FAM81A: variants seen among roughly 807,000 people sequenced by gnomAD.
The protein encoded by FAM81A is protein FAM81A.
Under a neutral mutation model 46.7 loss-of-function variants are expected in FAM81A, and 19 were observed. The ratio of observed to expected loss-of-function variants is 0.41; its 90% confidence interval spans 0.28 to 0.60. The LOEUF (loss-of-function observed/expected upper bound fraction) is 0.60. Among genes scored for constraint, FAM81A ranks in the 20% least tolerant of loss-of-function variants. The pLI, the probability that FAM81A is intolerant of heterozygous loss-of-function variation, is 0.34. For synonymous variants in FAM81A, 183 were observed against 152.9 expected, an observed-to-expected ratio of 1.20 and a Z score of -1.45; for missense variants, 377 against 453.5, an observed-to-expected ratio of 0.83 and a Z score of 1.53.
chr15:59,478,138 C>T (rs896642772), intron 3 of FAM81A, among the ~76,000 whole-genome samples: 1 of 152,070 alleles, frequency 6.6e-6, no homozygotes, highest in East Asian at 1.9e-4. Context: ...AGTTTGGACC[C>T]CCATGTCTTT....
At chr15:59,415,697 G>T (rs966181484) in intron 2 of FAM81A, among the ~76,000 whole-genome samples, 1 of 152,156 alleles carries the variant, frequency 6.6e-6, no homozygotes, top group Non-Finnish European at 1.5e-5. Flanking sequence ...CTGCAGAACC[G>T]TAAGATAATA....
chr15:59,447,640 G>A (rs1443135666), intron 1 of FAM81A, among the ~76,000 whole-genome samples: 1 of 152,162 alleles, frequency 6.6e-6, no homozygotes, highest in African/African-American at 2.4e-5. Flanking sequence ...AGATACATTG[G>A]CTTGGGAAAT....
intron 4 of FAM81A, 117 bp downstream of exon 4, chr15:59,492,506 A>G (rs1203384720): frequency 6.6e-6 from 5 of 758,670 alleles, no homozygotes; most frequent in Non-Finnish European, 1.1e-5. Context: ...CCTTTAGTAC[A>G]TTCCCTCCCT....
At chr15:59,406,111 G>T (rs1303758121) in intron 2 of FAM81A, among the ~76,000 whole-genome samples, 5 of 152,190 alleles carry the variant, frequency 3.3e-5, no homozygotes, top group African/African-American at 1.2e-4. Flanking sequence ...GAATGGGTGG[G>T]TCTGAGAGTC....
chr15:59,516,947 C>T (rs1217681476), intron 8 of FAM81A, 107 bp downstream of exon 8: 36 of 1,017,050 alleles, frequency 3.5e-5, no homozygotes, highest in South Asian at 8.0e-5. Flanking sequence ...TGGTAATAAC[C>T]GTGAAATATC....
At chr15:59,483,680 C>T (rs1402787448) in intron 3 of FAM81A, among the ~76,000 whole-genome samples, 1 of 152,112 alleles carries the variant, frequency 6.6e-6, no homozygotes, top group Non-Finnish European at 1.5e-5. Context: ...TCTCAAGAAA[C>T]CCTTGGATTG....
intron 7 of FAM81A, among the ~76,000 whole-genome samples, chr15:59,515,033 C>T (rs1236918575): frequency 2.0e-5 from 3 of 151,988 alleles, no homozygotes; most frequent in Non-Finnish European, 4.4e-5. Flanking sequence ...TCGCTTGAGC[C>T]CAGGAGTTCG....
At chr15:59,450,987 C>G (rs1484937644) in intron 1 of FAM81A, among the ~76,000 whole-genome samples, 1 of 152,130 alleles carries the variant, frequency 6.6e-6, no homozygotes, top group East Asian at 1.9e-4. Context: ...AGGGAGAGGA[C>G]CATGCAAGGT....
intron 2 of FAM81A, among the ~76,000 whole-genome samples, chr15:59,412,682 G>C (rs1226030479): frequency 1.3e-5 from 2 of 150,488 alleles, no homozygotes; most frequent in African/African-American, 4.9e-5. Context: ...AGCTGTGATC[G>C]CACCATTGCA....
chr15:59,419,262 A>G (rs1183868085), intron 2 of FAM81A, among the ~76,000 whole-genome samples: 1 of 152,218 alleles, frequency 6.6e-6, no homozygotes, highest in African/African-American at 2.4e-5. Context: ...ATAAAAACCT[A>G]TGATTTAACT....
At chr15:59,422,964 T>A (rs1459357391) in intron 2 of FAM81A, among the ~76,000 whole-genome samples, 1 of 152,198 alleles carries the variant, frequency 6.6e-6, no homozygotes, top group East Asian at 1.9e-4. Flanking sequence ...TATTTGCCTA[T>A]GGAATAATGA....
intron 3 of FAM81A, among the ~76,000 whole-genome samples, chr15:59,462,257 T>G (rs2081561699): frequency 6.6e-6 from 1 of 152,094 alleles, no homozygotes; most frequent in Non-Finnish European, 1.5e-5. Context: ...CTATAACATT[T>G]TACAATCCCA....
intron 2 of FAM81A, among the ~76,000 whole-genome samples, chr15:59,419,089 A>G (rs1203396090): frequency 6.6e-6 from 1 of 152,350 alleles, no homozygotes; most frequent in African/African-American, 2.4e-5. Flanking sequence ...GTAGTTGGTT[A>G]CTAAAATCAT....
intron 4 of FAM81A, among the ~76,000 whole-genome samples, chr15:59,494,307 G>T (rs1221969102): frequency 6.6e-6 from 1 of 152,176 alleles, no homozygotes; most frequent in East Asian, 1.9e-4. Flanking sequence ...ACTTTAGGAG[G>T]ACTCTGAGGA....
chr15:59,404,998 C>G (rs2081087877), intron 2 of FAM81A, among the ~76,000 whole-genome samples: 1 of 152,202 alleles, frequency 6.6e-6, no homozygotes, highest in Admixed American at 6.5e-5. Flanking sequence ...AGAGCTGACA[C>G]CAAACCCAGG....
chr15:59,506,549 A>T (rs746652955), intron 4 of FAM81A, among the ~76,000 whole-genome samples: 1 of 152,196 alleles, frequency 6.6e-6, no homozygotes, highest in African/African-American at 2.4e-5. Context: ...CTTCTTCTCA[A>T]CAGAGGAATA....
rs1221040995 is a variant in FAM81A, at chr15:59,521,358, A to G, written c.1087A>G (p.Lys363Glu). The change falls in exon 9 of 9, where the codon AAG becomes GAG. Residue 363 changes from lysine (K) to glutamate (E), a missense_variant. Coordinates refer to ENST00000288228, the MANE Select transcript of FAM81A (RefSeq NM_152450.3). Reference sequence around the variant, plus strand: ...ACAGAAGCAAATCCAGCTGATGCAGAAGCCAGAGACCCCCATGTGAAGGGA... The same window carrying G: ...ACAGAAGCAAATCCAGCTGATGCAGGAGCCAGAGACCCCCATGTGAAGGGA... ...QLQKQIQLMQ[K>E]PETPM The G allele has an allele frequency of 6.2e-7, 1 of 1,611,942 alleles. No homozygotes were observed. The highest frequency in any genetic ancestry group is 8.5e-7 in the Non-Finnish European group (1 of 1,178,882).
intron 2 of FAM81A, among the ~76,000 whole-genome samples, chr15:59,425,393 T>A (rs2081190801): frequency 6.6e-6 from 1 of 152,204 alleles, no homozygotes; most frequent in Admixed American, 6.5e-5. Flanking sequence ...ATTCATGTAA[T>A]ATGTGTTCAG....
intron 3 of FAM81A, among the ~76,000 whole-genome samples, chr15:59,461,521 A>G (rs1189230581): frequency 1.3e-5 from 2 of 152,102 alleles, no homozygotes; most frequent in African/African-American, 4.8e-5. Context: ...TCGTCTCACT[A>G]TGTTGCCCAG....
Sources: allele counts gnomAD v4.1 joint callset (sites outside exome capture counted in the v4.1 genomes callset), GRCh38; gene constraint gnomAD v4.1.1; transcripts MANE v1.5; gene names NCBI Gene and HGNC (gene_info 2026-07-23, HGNC 2026-07-21).